Variants in PLXNA4 observed in about 807,000 individuals in gnomAD.
The protein encoded by PLXNA4 is plexin A4.
Under a neutral mutation model 191.8 loss-of-function variants are expected in PLXNA4, and 44 were observed. The observed-to-expected ratio is 0.23, with a 90% CI of 0.18 to 0.29. PLXNA4 has a LOEUF of 0.29. PLXNA4 is among the 10% of genes least tolerant of loss of function. The pLI, the probability that PLXNA4 is intolerant of heterozygous loss-of-function variation, is 1.00. For synonymous variants in PLXNA4, 1,082 were observed against 1,009.5 expected (o/e 1.07, Z -1.36); for missense variants, 1,800 against 2,488.8 (o/e 0.72, Z 5.89).
chr7:132,311,712 T>A (rs1471574236), intron 3 of PLXNA4, among the ~76,000 whole-genome samples: 1 of 152,138 alleles, frequency 6.6e-6, no homozygotes, highest in African/African-American at 2.4e-5. Flanking sequence ...ACATCTTACT[T>A]TTTAAAAACA....
intron 2 of PLXNA4, among the ~76,000 whole-genome samples, chr7:132,628,801 T>C (rs1384872162): frequency 2.0e-5 from 3 of 152,244 alleles, no homozygotes; most frequent in Non-Finnish European, 2.9e-5. Flanking sequence ...TATTGTTTTA[T>C]GAATGTAGTA....
upstream of PLXNA4, among the ~76,000 whole-genome samples, chr7:132,581,976 AG>A (rs1802410189): frequency 6.6e-6 from 1 of 152,148 alleles, no homozygotes; most frequent in Non-Finnish European, 1.5e-5. Flanking sequence ...GGAGGGAGGG[AG>A]GGGGTGTGAC....
At chr7:132,371,073 A>T (rs1466116242) in intron 3 of PLXNA4, among the ~76,000 whole-genome samples, 1 of 152,058 alleles carries the variant, frequency 6.6e-6, no homozygotes, top group Non-Finnish European at 1.5e-5. Flanking sequence ...GGAGTGGGAA[A>T]GGCACGCTTC....
In PLXNA4 at chr7:132,624,668, C is replaced by G. The variant is rs559786488; in HGVS notation, c.-87+21260G>C. Among the ~76,000 whole-genome samples the G allele has an allele frequency of 4.3e-4, 66 of 152,288 alleles. 1 individual carries two copies. The highest frequency in any genetic ancestry group is 6.8e-3 in the Middle Eastern group (2 of 294). ...ACAGTTCCTGGGTCCTGGTATAAGT[C>G]ATGAACTTGGTCCATATAACTCACA... On this transcript the variant is annotated intron_variant, in intron 2 of 4. Coordinates refer to the PLXNA4 transcript ENST00000378539.
chr7:132,453,502 G>A (rs765965895), intron 3 of PLXNA4, among the ~76,000 whole-genome samples: 58 of 151,984 alleles, frequency 3.8e-4, no homozygotes, highest in Non-Finnish European at 7.5e-4. Context: ...TCCCCAGAAG[G>A]AAAAGGAATT....
At chr7:132,601,053 C>CT (rs978319396) in intron 2 of PLXNA4, among the ~76,000 whole-genome samples, 19 of 152,160 alleles carry the variant, frequency 1.2e-4, no homozygotes, top group African/African-American at 4.6e-4. Flanking sequence ...TACACAGAAA[C>CT]TTTTTTCTAT....
At chr7:132,521,397 G>A (rs1799177788) in intron 1 of PLXNA4, among the ~76,000 whole-genome samples, 1 of 152,094 alleles carries the variant, frequency 6.6e-6, no homozygotes, top group Admixed American at 6.6e-5. Context: ...AGAAGAACAT[G>A]TCATACATCA....
intron 3 of PLXNA4, among the ~76,000 whole-genome samples, chr7:132,410,208 C>A (rs1414617218): frequency 6.6e-6 from 1 of 152,082 alleles, no homozygotes. Flanking sequence ...CCCCCTCCCC[C>A]AGCCCATGCT....
chr7:132,300,434 T>C (rs1197621337), intron 3 of PLXNA4, among the ~76,000 whole-genome samples: 1 of 152,240 alleles, frequency 6.6e-6, no homozygotes, highest in Non-Finnish European at 1.5e-5. Flanking sequence ...ATATTTATTT[T>C]AAAAATGAAT....
chr7:132,278,969 T>G (rs560488057), intron 4 of PLXNA4, among the ~76,000 whole-genome samples: 1 of 152,336 alleles, frequency 6.6e-6, no homozygotes, highest in East Asian at 1.9e-4. Flanking sequence ...TGATCGTGAC[T>G]CGGCTGGCTC....
At chr7:132,223,323 C>A (rs1798206738) in intron 9 of PLXNA4, among the ~76,000 whole-genome samples, 1 of 152,162 alleles carries the variant, frequency 6.6e-6, no homozygotes, top group Non-Finnish European at 1.5e-5. Context: ...TGTAACAGAA[C>A]CTCCAGGGCT....
In PLXNA4 at chr7:132,507,944, A is replaced by G. The variant is rs1197601323; in HGVS notation, c.750T>C (p.Ser250=). 49 of 1,614,038 alleles carry G rather than the reference A, an allele frequency of 3.0e-5. No homozygotes were observed. Among genetic ancestry groups the G allele is most frequent in the Non-Finnish European group, 3.7e-5 (44 of 1,180,042 alleles). ...GGGTCAAAAAGTAGACAAAGTTGCC[A>G]CTGCTAAAACCATAGACATAGTAGA... ...FDIYYVYGFS[S]GNFVYFLTLQ... Residue 250 remains serine, a synonymous_variant, in exon 2 of 32, where the codon AGT becomes AGC. Coordinates refer to ENST00000321063, the MANE Select transcript of PLXNA4 (RefSeq NM_020911.2).
intron 3 of PLXNA4, among the ~76,000 whole-genome samples, chr7:132,318,142 A>G (rs1010553988): frequency 1.3e-5 from 2 of 152,152 alleles, no homozygotes; most frequent in African/African-American, 4.8e-5. Flanking sequence ...GCCTGCAGGC[A>G]GGGGGACTGG....
intron 10 of PLXNA4, among the ~76,000 whole-genome samples, chr7:132,206,471 T>TGTGC (rs563340948): frequency 1.2e-3 from 180 of 148,934 alleles, no homozygotes; most frequent in South Asian, 3.7e-3. Context: ...TGTGTGTGTG[T>TGTGC]GCGCATGTGT....
chr7:132,350,931 A>G (rs866792395), intron 3 of PLXNA4, among the ~76,000 whole-genome samples: 1 of 152,270 alleles, frequency 6.6e-6, no homozygotes, highest in African/African-American at 2.4e-5. Flanking sequence ...TGGTATATCC[A>G]TACAATGGAA....
chr7:132,346,440 G>T lies in PLXNA4; in HGVS notation c.1372-48218C>A, dbSNP rs79678707. On this transcript the variant is annotated intron_variant, in intron 3 of 31. Transcript: ENST00000321063. ...CAAAAATAAAACCCAGGTTTAGCAG[G>T]TTCCTTATCCACTGCTAATTACACT... Among the ~76,000 whole-genome samples, 1,488 of 152,268 alleles carry T rather than the reference G, an allele frequency of 9.8e-3. 69 individuals carry two copies. The East Asian group carries it at 0.12, about 12-fold the overall frequency.
chr7:132,434,043 C>T (rs1795374218), intron 3 of PLXNA4, among the ~76,000 whole-genome samples: 1 of 152,230 alleles, frequency 6.6e-6, no homozygotes, highest in Admixed American at 6.5e-5. Context: ...CTATTCCAAG[C>T]TGGGTCTTGA....
At chr7:132,578,309 T>A, upstream of PLXNA4, among the ~76,000 whole-genome samples, 1 of 152,112 alleles carries the variant, frequency 6.6e-6, no homozygotes, top group Non-Finnish European at 1.5e-5. Context: ...CAGAGTCCAG[T>A]AAGCATTCCC....
Position 132,627,286 on chromosome 7 carries a change from A to T in PLXNA4, c.-87+18642T>A, listed in dbSNP as rs1273484551. On this transcript the variant is annotated intron_variant, in intron 2 of 4. Coordinates refer to the PLXNA4 transcript ENST00000378539. ...AGTTTTAGATACCTGTCAACTTCCT[A>T]TTATGAAAGATGAAGGTTTAGATCT... 2.6e-5 allele frequency among the ~76,000 whole-genome samples: 4 copies of T among 152,258 alleles called. No homozygotes were observed. In the East Asian group the frequency reaches 5.8e-4, roughly 22 times the overall value.
Sources: gnomAD v4.1 joint callset for allele counts (sites outside exome capture counted in the v4.1 genomes callset) on GRCh38, gnomAD v4.1.1 for gene constraint, MANE v1.5 for transcripts, NCBI Gene and HGNC (gene_info 2026-07-23, HGNC 2026-07-21) for gene names.